AKAP7: variants seen among roughly 807,000 people sequenced by gnomAD.
AKAP7 encodes A kinase (PRKA) anchor protein 7.
A neutral mutation model predicts 39.5 loss-of-function variants in AKAP7; 39 were observed. That is an observed-to-expected ratio of 0.99 (90% CI 0.76 to 1.29). The LOEUF is 1.29. Among genes scored for constraint, AKAP7 ranks in the 50% most tolerant of loss-of-function variants. AKAP7 has a pLI of 0.00. For synonymous variants in AKAP7, 140 were observed against 139.1 expected (o/e 1.01, Z -0.05); for missense variants, 414 against 407.7 (o/e 1.02, Z -0.13).
intron 7 of AKAP7, among the ~76,000 whole-genome samples, chr6:131,259,887 A>G (rs542858142): frequency 6.6e-6 from 1 of 152,274 alleles, no homozygotes; most frequent in East Asian, 1.9e-4. Context: ...TGCTCCACCC[A>G]TCAACCCATC....
At chr6:131,205,820 C>G (rs564868380) in intron 6 of AKAP7, among the ~76,000 whole-genome samples, 32 of 152,206 alleles carry the variant, frequency 2.1e-4, no homozygotes, top group African/African-American at 7.5e-4. Context: ...TCATTGTATT[C>G]TGTAATTTTT....
At chr6:131,136,787 G>A in intron 1 of AKAP7, 1 of 895,478 alleles carries the variant, frequency 1.1e-6, no homozygotes, top group Non-Finnish European at 1.3e-6. Flanking sequence ...GGAAAGGAAA[G>A]CCTGGAGGTC....
intron 2 of AKAP7, among the ~76,000 whole-genome samples, chr6:131,156,660 CAAAA>C (rs1209932157): frequency 2.0e-5 from 3 of 151,506 alleles, no homozygotes; most frequent in Non-Finnish European, 2.9e-5. Context: ...AAAAAAATAA[CAAAA>C]AAAGAACTGT....
At chr6:131,254,837 A>G (rs1351279709) in intron 7 of AKAP7, among the ~76,000 whole-genome samples, 1 of 152,232 alleles carries the variant, frequency 6.6e-6, no homozygotes, top group East Asian at 1.9e-4. Flanking sequence ...TACATGAAAT[A>G]TGTGTTAGTA....
At chr6:131,248,205 C>T (rs548747228) in intron 7 of AKAP7, among the ~76,000 whole-genome samples, 1 of 152,108 alleles carries the variant, frequency 6.6e-6, no homozygotes, top group Non-Finnish European at 1.5e-5. Context: ...CTCTTCTTCC[C>T]CTCCCCATCA....
rs1297559220 is a variant in AKAP7, at chr6:131,273,505, TGGTTACTGTAG to T, written c.851-8020_851-8010del. Among the ~76,000 whole-genome samples the T allele has an allele frequency of 2.0e-5, 3 of 152,280 alleles. No homozygotes were observed. The East Asian group carries it at 5.8e-4, about 29-fold the overall frequency. ...GTGCCTCTTTTTGTTTTTACGTTAG[TGGTTACTGTAG>T]GGTTTTAAAGTATACATCTGCCTTC... On this transcript the variant is annotated intron_variant, in intron 7 of 7. Coordinates refer to ENST00000431975, the MANE Select transcript of AKAP7 (RefSeq NM_016377.4).
intron 7 of AKAP7, among the ~76,000 whole-genome samples, chr6:131,263,988 T>TC (rs1040555190): frequency 1.3e-4 from 20 of 152,246 alleles, no homozygotes; most frequent in African/African-American, 4.8e-4. Flanking sequence ...AATCTGTTTT[T>TC]CCCCCCATTC....
intron 6 of AKAP7, among the ~76,000 whole-genome samples, chr6:131,213,767 A>G (rs949056821): frequency 6.6e-6 from 1 of 152,162 alleles, no homozygotes; most frequent in Non-Finnish European, 1.5e-5. Context: ...AGGAAATGAG[A>G]AGGAGGAGGA....
intron 2 of AKAP7, among the ~76,000 whole-genome samples, chr6:131,156,965 C>G (rs938615200): frequency 6.6e-6 from 1 of 151,854 alleles, no homozygotes; most frequent in Non-Finnish European, 1.5e-5. Context: ...TTAGTAGAGA[C>G]GGGGTTTCAC....
rs563751153 is a variant in AKAP7 at position 131,228,524 on chromosome 6, A to G, written c.850+8716A>G. Among the ~76,000 whole-genome samples, 3 of 151,908 alleles carry G rather than the reference A, an allele frequency of 2.0e-5. No individual in the cohort carries two copies. In the South Asian group the frequency reaches 6.2e-4, roughly 32 times the overall value. Reference sequence around the variant, plus strand: ...TTGTTGAGTTTTTACTTTATTTTTAATTTTTATTTTTTGTAGAGACGGGGT... The same window carrying G: ...TTGTTGAGTTTTTACTTTATTTTTAGTTTTTATTTTTTGTAGAGACGGGGT... On this transcript the variant is annotated intron_variant, in intron 7 of 7. Coordinates refer to ENST00000431975, the MANE Select transcript of AKAP7 (RefSeq NM_016377.4).
At chr6:131,185,324 C>A in intron 5 of AKAP7, 1 of 505,400 alleles carries the variant, frequency 2.0e-6, no homozygotes, top group Non-Finnish European at 3.7e-6. Context: ...CTTCATCCAG[C>A]TGTAATAATT....
intron 6 of AKAP7, among the ~76,000 whole-genome samples, chr6:131,215,311 G>A (rs1380532943): frequency 6.6e-6 from 1 of 152,248 alleles, no homozygotes; most frequent in African/African-American, 2.4e-5. Context: ...GGCCCAGAGC[G>A]GCCAGAGGAG....
chr6:131,170,899 A>G (rs1803982626), intron 5 of AKAP7, among the ~76,000 whole-genome samples: 1 of 152,182 alleles, frequency 6.6e-6, no homozygotes. Context: ...CTGTTTAGTT[A>G]TCTTTATAGT....
At chr6:131,254,891 CTCATTTTATA>C (rs1435830248) in intron 7 of AKAP7, among the ~76,000 whole-genome samples, 1 of 152,056 alleles carries the variant, frequency 6.6e-6, no homozygotes, top group African/African-American at 2.4e-5. Flanking sequence ...ATTTATAGTA[CTCATTTTATA>C]AATATGAGTC....
At chr6:131,268,653 C>T (rs893714838) in intron 7 of AKAP7, among the ~76,000 whole-genome samples, 5 of 152,196 alleles carry the variant, frequency 3.3e-5, no homozygotes, top group African/African-American at 9.7e-5. Flanking sequence ...CGACGTACAT[C>T]GGTGAACATT....
intron 1 of AKAP7, among the ~76,000 whole-genome samples, chr6:131,141,226 C>G (rs546781998): frequency 3.4e-4 from 52 of 152,054 alleles, no homozygotes; most frequent in Non-Finnish European, 6.0e-4. Flanking sequence ...GGGTGGATCC[C>G]TCATGAATGG....
chr6:131,219,739 G>T lies in AKAP7; in HGVS notation c.781G>T (p.Asp261Tyr), dbSNP rs566383205. The T allele has an allele frequency of 1.3e-6, 2 of 1,599,016 alleles. No homozygotes were observed. Among genetic ancestry groups the T allele is most frequent in the East Asian group, 4.6e-5 (2 of 43,748 alleles). The part of the protein sequence containing the change: ...RFGEEILYRI[D>Y]LCSMLKKKQS... ...TGGAGAAGAAATATTATATCGCATA[G>T]ATCTTTGCTCCATGCTGAAGAAAAA... is the stretch of plus-strand genomic sequence containing the variant. Residue 261 changes from aspartate (D) to tyrosine (Y), a missense_variant, in exon 7 of 8, where the codon GAT (aspartate) becomes TAT (tyrosine). Asp to Tyr is a radical substitution (Grantham distance 160). Coordinates refer to ENST00000431975, the MANE Select transcript of AKAP7 (RefSeq NM_016377.4).
At chr6:131,229,291 C>T (rs913017486) in intron 7 of AKAP7, among the ~76,000 whole-genome samples, 1 of 152,140 alleles carries the variant, frequency 6.6e-6, no homozygotes, top group Admixed American at 6.5e-5. Context: ...CATATATTAT[C>T]AGGTGCTTGA....
chr6:131,229,294 G>C (rs1810445817), intron 7 of AKAP7, among the ~76,000 whole-genome samples: 1 of 152,028 alleles, frequency 6.6e-6, no homozygotes, highest in Admixed American at 6.6e-5. Flanking sequence ...ATATTATCAG[G>C]TGCTTGACAG....
Sources: gnomAD v4.1 joint callset for allele counts (sites outside exome capture counted in the v4.1 genomes callset) on GRCh38, gnomAD v4.1.1 for gene constraint, MANE v1.5 for transcripts, NCBI Gene and HGNC (gene_info 2026-07-23, HGNC 2026-07-21) for gene names.